The following FRAS1 variants were observed in gnomAD, a reference collection of about 807,000 sequenced individuals.
The protein encoded by FRAS1 is Fraser extracellular matrix complex subunit 1, also known as extracellular matrix organizing protein FRAS1.
A neutral mutation model predicts 435.2 loss-of-function variants in FRAS1; 290 were observed. That is an observed-to-expected ratio of 0.67 (90% CI 0.61 to 0.73). The LOEUF (loss-of-function observed/expected upper bound fraction) is 0.73. FRAS1 is among the 30% of genes least tolerant of loss of function. The pLI is 0.00. For synonymous variants in FRAS1, 1,800 were observed against 1,851.0 expected, an observed-to-expected ratio of 0.97 and a Z score of 0.71; for missense variants, 4,860 against 5,001.5, an observed-to-expected ratio of 0.97 and a Z score of 0.85.
chr4:78,217,119 G>A (rs1373351286), intron 2 of FRAS1, among the ~76,000 whole-genome samples: 1 of 152,104 alleles, frequency 6.6e-6, no homozygotes, highest in African/African-American at 2.4e-5. Flanking sequence ...TTATGGAGTT[G>A]GTTGGTATGG....
chr4:78,096,579 G>A (rs1489403692), intron 2 of FRAS1, among the ~76,000 whole-genome samples: 2 of 152,218 alleles, frequency 1.3e-5, no homozygotes, highest in East Asian at 3.8e-4. Context: ...CCAGACCTCA[G>A]TTCTTGAGTT....
At chr4:78,385,485 T>G (rs1732184748) in intron 28 of FRAS1, among the ~76,000 whole-genome samples, 1 of 152,204 alleles carries the variant, frequency 6.6e-6, no homozygotes, top group Non-Finnish European at 1.5e-5. Context: ...CACCTCTTCT[T>G]GATGGTATTA....
intron 20 of FRAS1, among the ~76,000 whole-genome samples, chr4:78,338,669 G>A (rs1346886253): frequency 6.6e-6 from 1 of 152,214 alleles, no homozygotes; most frequent in Non-Finnish European, 1.5e-5. Flanking sequence ...TGTGCTGAGA[G>A]GTTGACCAGG....
intron 69 of FRAS1, 113 bp downstream of exon 69, chr4:78,522,921 G>A (rs1721431938): frequency 2.0e-6 from 2 of 987,512 alleles, no homozygotes; most frequent in African/African-American, 1.7e-5. Flanking sequence ...TTTAAAAGGG[G>A]AATTGATAGA....
chr4:78,288,132 G>A (rs1727698612), intron 14 of FRAS1, among the ~76,000 whole-genome samples: 1 of 152,196 alleles, frequency 6.6e-6, no homozygotes, highest in Non-Finnish European at 1.5e-5. Flanking sequence ...AGTGTTTATA[G>A]CTTATCATGT....
intron 6 of FRAS1, among the ~76,000 whole-genome samples, chr4:78,259,674 G>A (rs887334166): frequency 2.7e-5 from 4 of 147,792 alleles, no homozygotes; most frequent in African/African-American, 9.9e-5. Flanking sequence ...TCACTCTGAT[G>A]GTAGTTTCTT....
At chr4:78,247,457 C>T (rs985319499) in intron 4 of FRAS1, among the ~76,000 whole-genome samples, 3 of 151,916 alleles carry the variant, frequency 2.0e-5, no homozygotes, top group Admixed American at 6.6e-5. Context: ...TTTTTTAAGG[C>T]GAGACAAAAT....
intron 2 of FRAS1, among the ~76,000 whole-genome samples, chr4:78,067,562 G>C (rs1019511955): frequency 6.6e-6 from 1 of 151,936 alleles, no homozygotes; most frequent in Non-Finnish European, 1.5e-5. Context: ...GGCTGCTCAA[G>C]ATTAGTGGGC....
chr4:78,272,611 C>A (rs1220612189), intron 9 of FRAS1, among the ~76,000 whole-genome samples: 1 of 152,148 alleles, frequency 6.6e-6, no homozygotes, highest in Non-Finnish European at 1.5e-5. Flanking sequence ...TGTCAAATAT[C>A]AGATGGTTGT....
chr4:78,141,205 C>A (rs565198584), intron 2 of FRAS1, among the ~76,000 whole-genome samples: 1 of 152,098 alleles, frequency 6.6e-6, no homozygotes, highest in Non-Finnish European at 1.5e-5. Context: ...AGCCCCCAAC[C>A]CCCTGACAGG....
intron 52 of FRAS1, among the ~76,000 whole-genome samples, 157 bp downstream of exon 52, chr4:78,472,487 TA>T (rs542151034): frequency 6.4e-4 from 98 of 152,348 alleles, no homozygotes; most frequent in Non-Finnish European, 1.3e-3. Flanking sequence ...TTAAGAATTT[TA>T]TTTCTCCTGA....
At chr4:78,092,769 T>C (rs767540033) in intron 2 of FRAS1, among the ~76,000 whole-genome samples, 10 of 152,326 alleles carry the variant, frequency 6.6e-5, no homozygotes, top group East Asian at 3.9e-4. Context: ...AGCCTTTTTC[T>C]GTGAAGCAAA....
chr4:78,277,487 G>A (rs1019769736), intron 9 of FRAS1, among the ~76,000 whole-genome samples: 6 of 151,934 alleles, frequency 3.9e-5, no homozygotes, highest in Non-Finnish European at 7.4e-5. Context: ...AAGTAGATAT[G>A]TCTTTTGAAA....
intron 64 of FRAS1, among the ~76,000 whole-genome samples, chr4:78,512,453 G>T (rs1169015593): frequency 2.0e-5 from 3 of 152,142 alleles, no homozygotes; most frequent in Non-Finnish European, 4.4e-5. Context: ...TGCTCAGAGA[G>T]ACAAGTATAT....
intron 1 of FRAS1, among the ~76,000 whole-genome samples, chr4:78,059,211 G>A (rs571408635): frequency 5.5e-4 from 84 of 152,234 alleles, no homozygotes; most frequent in Admixed American, 1.8e-3. Context: ...GCGCAGGACT[G>A]GGGGCTGCGG....
intron 2 of FRAS1, among the ~76,000 whole-genome samples, chr4:78,197,011 A>C (rs1722842247): frequency 6.6e-6 from 1 of 152,258 alleles, no homozygotes. Context: ...TAGAACAGAA[A>C]TATGGGTGAG....
chr4:78,069,150 C>T (rs961801854), intron 2 of FRAS1, among the ~76,000 whole-genome samples: 1 of 152,150 alleles, frequency 6.6e-6, no homozygotes, highest in Non-Finnish European at 1.5e-5. Context: ...CACATGCTCA[C>T]TGTTTTAGAG....
chr4:78,123,136 G>T (rs1719125359), intron 2 of FRAS1, among the ~76,000 whole-genome samples: 2 of 152,118 alleles, frequency 1.3e-5, no homozygotes, highest in Non-Finnish European at 2.9e-5. Context: ...TTTGATCCAT[G>T]TTCAGTTGAT....
At chr4:78,150,206 A>G (rs758760600) in intron 2 of FRAS1, among the ~76,000 whole-genome samples, 2 of 152,208 alleles carry the variant, frequency 1.3e-5, no homozygotes, top group Non-Finnish European at 2.9e-5. Flanking sequence ...CAGACTCCCA[A>G]AGGAAATTGA....
Sources: allele counts gnomAD v4.1 joint callset (sites outside exome capture counted in the v4.1 genomes callset), GRCh38; gene constraint gnomAD v4.1.1; transcripts MANE v1.5; gene names NCBI Gene and HGNC (gene_info 2026-07-23, HGNC 2026-07-21).